Variants in CARS1 observed in about 807,000 individuals in gnomAD.
CARS1 encodes the protein cysteinyl-tRNA synthetase 1, also known as cysteine--tRNA ligase, cytoplasmic.
Under a neutral mutation model 106.2 loss-of-function variants are expected in CARS1, and 48 were observed. That is an observed-to-expected ratio of 0.45 (90% CI 0.36 to 0.57). The LOEUF (loss-of-function observed/expected upper bound fraction) is 0.57, where lower values mean the gene tolerates loss of function less well. CARS1 is among the 20% of genes least tolerant of loss of function. The pLI, the probability that CARS1 is intolerant of heterozygous loss-of-function variation, is 0.00. For missense variants in CARS1, 968 were observed against 1,057.2 expected (o/e 0.92, Z 1.17); for synonymous variants, 409 against 403.4 (o/e 1.01, Z -0.17).
intron 7 of CARS1, among the ~76,000 whole-genome samples, chr11:3,036,576 G>A (rs763185599): frequency 6.6e-6 from 1 of 152,234 alleles, no homozygotes; most frequent in Non-Finnish European, 1.5e-5. Flanking sequence ...CTATGGGTGG[G>A]AATGTGTAAT....
chr11:3,020,394 A>C lies in CARS1; in HGVS notation c.1154-62T>G. 15 of 972,254 alleles carry C rather than the reference A, an allele frequency of 1.5e-5. No individual in the cohort carries two copies. The highest frequency in any genetic ancestry group is 2.3e-5 in the Non-Finnish European group (14 of 599,172). 60.2% of individuals were successfully genotyped at this position (972,254 alleles called of 1,614,324 possible). On this transcript the variant is annotated intron_variant, in intron 10 of 22. Transcript: ENST00000380525. This position sits in a 1 kb window ranked among gnomAD's most constrained non-coding sequence, Gnocchi z 4.6. Reference sequence around the variant, plus strand: ...CAGCACCCACAGACCCACATGTCTCACTTCAAGGCCATCCACGGTGCCTAA... The same window carrying C: ...CAGCACCCACAGACCCACATGTCTCCCTTCAAGGCCATCCACGGTGCCTAA...
intron 1 of CARS1, among the ~76,000 whole-genome samples, chr11:3,055,246 C>A (rs1438014667): frequency 6.6e-6 from 1 of 152,140 alleles, no homozygotes. Flanking sequence ...CTGCAAGCTC[C>A]GCCTCCTGGG....
In CARS1 at chr11:3,004,275, T is replaced by C. The variant is rs1446055066; in HGVS notation, c.2217+1091A>G. Among the ~76,000 whole-genome samples, 1 of 152,238 alleles carries C rather than the reference T, an allele frequency of 6.6e-6. No homozygotes were observed. The highest frequency in any genetic ancestry group is 2.4e-5 in the African/African-American group (1 of 41,458). On this transcript the variant is annotated intron_variant, in intron 20 of 22. Transcript: ENST00000380525. The surrounding 1 kb of genome is among the most constrained non-coding windows in gnomAD (Gnocchi z 5.2). The stretch of plus-strand genomic sequence containing the variant: ...CTTTCCCCAGAGTTCCAGTTCGTTA[T>C]TCCTCCAAAGCACTGCAAACTCCAG...
rs1854023354 is a variant in CARS1 at position 3,038,790 on chromosome 11, A to C, written c.651+404T>G. Among the ~76,000 whole-genome samples the C allele has an allele frequency of 1.3e-5, 2 of 152,226 alleles. No homozygotes were observed. The highest frequency in any genetic ancestry group is 4.1e-4 in the South Asian group (2 of 4,828). The stretch of plus-strand genomic sequence containing the variant: ...ACTAATTTCTTCAAAAGATTCTGAA[A>C]ATTTACAGTATTACCAAATTAAAAA... On this transcript the variant is annotated intron_variant, in intron 6 of 22. Coordinates refer to ENST00000380525, the MANE Select transcript of CARS1 (RefSeq NM_001014437.3). The surrounding 1 kb of genome is among the most constrained non-coding windows in gnomAD (Gnocchi z 4.0).
intron 17 of CARS1, among the ~76,000 whole-genome samples, chr11:3,013,819 C>T (rs1046526271): frequency 4.6e-5 from 7 of 152,176 alleles, no homozygotes; most frequent in Admixed American, 3.3e-4. Context: ...CGCTACTGCA[C>T]TCCAGCTGTG....
Position 3,035,773 on chromosome 11 carries a change from A to T in CARS1, c.801+2277T>A, listed in dbSNP as rs1345187249. On this transcript the variant is annotated intron_variant, in intron 7 of 22. Coordinates refer to ENST00000380525, the MANE Select transcript of CARS1 (RefSeq NM_001014437.3). ...AGTGCTGGGATTACAAGTGTGAGCC[A>T]CTGTGCCTGGCCATATAGACATTTC... Among the ~76,000 whole-genome samples, 3 of 152,248 alleles carry T rather than the reference A, an allele frequency of 2.0e-5. No homozygotes were observed. In the East Asian group the frequency reaches 5.8e-4, roughly 29 times the overall value.
rs764328452 is a variant in CARS1 at position 3,001,176 on chromosome 11, C to G, written c.2434G>C (p.Glu812Gln). The G allele has an allele frequency of 6.2e-7, 1 of 1,614,084 alleles. No homozygotes were observed. The highest frequency in any genetic ancestry group is 1.7e-5 in the Admixed American group (1 of 60,024). ...GQAKKLKKLF[E>Q]AQEKLYKEYL... ...TCCTTGTAGAGCTTCTCCTGAGCCTCGAAGAGCTTCTTCAGCTTCTTGGCT... is the reference window on the plus strand; with the variant it reads ...TCCTTGTAGAGCTTCTCCTGAGCCTGGAAGAGCTTCTTCAGCTTCTTGGCT... Residue 812 changes from glutamate to glutamine, a missense_variant, in exon 23 of 23, where the codon GAG becomes CAG. By Grantham distance (29) the Glu-to-Gln change is conservative. Transcript: ENST00000380525.
chr11:3,012,096 A>G, intron 18 of CARS1, 99 bp downstream of exon 18: 2 of 1,100,992 alleles, frequency 1.8e-6, no homozygotes, highest in Non-Finnish European at 2.8e-6. Context: ...CCAGAGGATG[A>G]TCCGGCCTGA....
Position 3,029,291 on chromosome 11 carries a change from C to A in CARS1, c.942+12G>T. On this transcript the variant is annotated intron_variant, in intron 8 of 22. Transcript: ENST00000380525. This position sits in a 1 kb window ranked among gnomAD's most constrained non-coding sequence, Gnocchi z 5.9. ...CGCAAGAGAGCCAGCACAAGACAAT[C>A]GTGACACTTACATTCAGAGCTTCCA... 6.2e-7 allele frequency: 1 copy of A among 1,613,664 alleles called. No homozygotes were observed. Among genetic ancestry groups the A allele is most frequent in the Non-Finnish European group, 8.5e-7 (1 of 1,179,644 alleles).
rs1854956681 is a variant in CARS1, at chr11:3,045,199, T to C, written c.274+2554A>G. On this transcript the variant is annotated intron_variant, in intron 2 of 22. Transcript: ENST00000380525. The surrounding 1 kb of genome is among the most constrained non-coding windows in gnomAD (Gnocchi z 5.6). ...GGAGGCTGGTGATCCAGGGAAGGGA[T>C]CCACCAGGAAGGGGTCTGGCTTCAC... Among the ~76,000 whole-genome samples the C allele has an allele frequency of 6.6e-6, 1 of 152,008 alleles. No homozygotes were observed. Among genetic ancestry groups the C allele is most frequent in the African/African-American group, 2.4e-5 (1 of 41,380 alleles).
rs1323351959 is a variant in CARS1, at chr11:3,048,805, G to A, written c.26-804C>T. On this transcript the variant is annotated intron_variant, in intron 1 of 22. Transcript: ENST00000380525. This position sits in a 1 kb window ranked among gnomAD's most constrained non-coding sequence, Gnocchi z 5.1. The stretch of plus-strand genomic sequence containing the variant: ...ACAGGGCTGCCAGGAAAATGTGGCT[G>A]CTCCAGCCAGCCTCACCTGGCCCCT... Among the ~76,000 whole-genome samples the A allele has an allele frequency of 5.3e-5, 8 of 152,220 alleles. No individual in the cohort carries two copies. The highest frequency in any genetic ancestry group is 1.3e-4 in the Admixed American group (2 of 15,282).
chr11:3,005,428 G>T lies in CARS1; in HGVS notation c.2155C>A (p.Pro719Thr). The change falls in exon 20 of 23, where the codon CCC (proline) becomes ACC (threonine). Residue 719 changes from proline (P) to threonine (T), a missense_variant. Coordinates refer to ENST00000380525, the MANE Select transcript of CARS1 (RefSeq NM_001014437.3). ...CTGTCTACCAGTTTCACCACTGTGG[G>T]CAGTCCTGCAAAATAAACTGCGTGT... ...GVRFEDHEGL[P>T]TVVKLVDRNT... The T allele has an allele frequency of 6.2e-7, 1 of 1,613,186 alleles. No homozygotes were observed. The highest frequency in any genetic ancestry group is 2.2e-5 in the East Asian group (1 of 44,874).
At position 3,005,615 on chromosome 11, in the gene CARS1, GGTTTGT is replaced by G. The variant is rs563661730; in HGVS notation, c.2150-188_2150-183del. On this transcript the variant is annotated intron_variant, in intron 19 of 22. Transcript: ENST00000380525. ...GCAGTGAAGCACAGGAGAACATTTT[GGTTTGT>G]GTGTGTGTGATTTTTTTTTTTTTTT... Among the ~76,000 whole-genome samples, 150 of 149,256 alleles carry G rather than the reference GGTTTGT, an allele frequency of 1.0e-3. 1 individual carries two copies. Among genetic ancestry groups the G allele is most frequent in the African/African-American group, 3.5e-3 (140 of 40,458 alleles).
Position 3,028,691 on chromosome 11 carries a change from GC to G in CARS1, c.1031+304del, listed in dbSNP as rs2134192328. 7.0e-6 allele frequency: 3 copies of G among 426,282 alleles called. No homozygotes were observed. In the East Asian group the frequency reaches 1.2e-4, roughly 16 times the overall value. The allele number at this position is 426,282 out of a possible 1,614,324, so 26.4% of individuals were successfully genotyped here. On this transcript the variant is annotated intron_variant, in intron 9 of 22. Coordinates refer to ENST00000380525, the MANE Select transcript of CARS1 (RefSeq NM_001014437.3). This position sits in a 1 kb window ranked among gnomAD's most constrained non-coding sequence, Gnocchi z 4.4. Reference sequence around the variant, plus strand: ...CGCAATGGCACTGATGTCTGTGAAGGCCCAGCAGTATTCGCACTCACCATTA... The same window carrying G: ...CGCAATGGCACTGATGTCTGTGAAGGCCAGCAGTATTCGCACTCACCATTA...
At chr11:3,002,476 C>A in intron 21 of CARS1, 65 bp downstream of exon 21, 2 of 1,601,912 alleles carry the variant, frequency 1.2e-6, no homozygotes, top group Non-Finnish European at 1.7e-6. Context: ...CAGAGAGCCA[C>A]AGGGCATGGG....
chr11:3,029,092 A>C lies in CARS1; in HGVS notation c.943-8T>G. 6.2e-7 allele frequency: 1 copy of C among 1,600,238 alleles called. No homozygotes were observed. The highest frequency in any genetic ancestry group is 8.6e-7 in the Non-Finnish European group (1 of 1,167,330). On this transcript the variant is annotated splice_polypyrimidine_tract_variant and splice_region_variant and intron_variant, in intron 8 of 22. Transcript: ENST00000380525. This position sits in a 1 kb window ranked among gnomAD's most constrained non-coding sequence, Gnocchi z 5.9. The stretch of plus-strand genomic sequence containing the variant: ...GACATCTGGAGGGAGAACCTGTGCA[A>C]GACATGAGAATGTCCTGGGATTTTC...
rs1852399757 is a variant in CARS1 at position 3,028,923 on chromosome 11, T to C, written c.1031+73A>G. On this transcript the variant is annotated intron_variant, in intron 9 of 22. Coordinates refer to ENST00000380525, the MANE Select transcript of CARS1 (RefSeq NM_001014437.3). The surrounding 1 kb of genome is among the most constrained non-coding windows in gnomAD (Gnocchi z 4.4). ...GCTCCTCTGCTTCCCAAACTCAGGC[T>C]CAGAGCTGGGGAGCTCCTCCCTGTG... 9.6e-7 allele frequency: 1 copy of C among 1,039,320 alleles called. No individual in the cohort carries two copies. Among genetic ancestry groups the C allele is most frequent in the Non-Finnish European group, 1.5e-6 (1 of 665,890 alleles). The allele number at this position is 1,039,320 out of a possible 1,614,324, so 64.4% of individuals were successfully genotyped here.
rs1294146828 is a variant in CARS1, at chr11:3,037,975, G to A, written c.801+75C>T. 16 of 1,400,602 alleles carry A rather than the reference G, an allele frequency of 1.1e-5. No homozygotes were observed. Among genetic ancestry groups the A allele is most frequent in the Admixed American group, 9.9e-5 (5 of 50,380 alleles). The allele number at this position is 1,400,602 out of a possible 1,614,324, so 86.8% of individuals were successfully genotyped here. The stretch of plus-strand genomic sequence containing the variant: ...CTAAGACAATCTGTGGAATCAATCC[G>A]TGCACACAGATCAGTCTATGCACGG... On this transcript the variant is annotated intron_variant, in intron 7 of 22. Coordinates refer to ENST00000380525, the MANE Select transcript of CARS1 (RefSeq NM_001014437.3). This position sits in a 1 kb window ranked among gnomAD's most constrained non-coding sequence, Gnocchi z 5.9.
At chr11:3,007,025 C>T in intron 18 of CARS1, 66 bp from the exon 19 acceptor site, 1 of 1,277,072 alleles carries the variant, frequency 7.8e-7, no homozygotes, top group Admixed American at 1.7e-5. Flanking sequence ...CCAGTGCCTC[C>T]TCCAGTGCTG....
Sources: allele counts gnomAD v4.1 joint callset (sites outside exome capture counted in the v4.1 genomes callset), GRCh38; gene constraint gnomAD v4.1.1; non-coding constraint Gnocchi (gnomAD v3.1); transcripts MANE v1.5; gene names NCBI Gene and HGNC (gene_info 2026-07-23, HGNC 2026-07-21).